Variants in NEGR1 observed in about 807,000 individuals in gnomAD.
NEGR1 encodes the protein neuronal growth regulator 1.
A neutral mutation model predicts 40.9 loss-of-function variants in NEGR1; 10 were observed. That is an observed-to-expected ratio of 0.24 (90% CI 0.15 to 0.42). NEGR1 has a LOEUF of 0.42. NEGR1 is among the 10% of genes least tolerant of loss of function. The pLI is 1.00. For synonymous variants in NEGR1, 185 were observed against 166.8 expected (o/e 1.11, Z -0.84); for missense variants, 352 against 438.9 (o/e 0.80, Z 1.77).
At chr1:72,203,087 A>T (rs887388992) in intron 1 of NEGR1, among the ~76,000 whole-genome samples, 1 of 152,018 alleles carries the variant, frequency 6.6e-6, no homozygotes, top group African/African-American at 2.4e-5. Context: ...CACAGCATCC[A>T]CTCTGCATCC....
intron 1 of NEGR1, among the ~76,000 whole-genome samples, chr1:71,950,317 G>C (rs1197318555): frequency 6.6e-6 from 1 of 151,796 alleles, no homozygotes; most frequent in East Asian, 1.9e-4. Flanking sequence ...TTTGTAGCAA[G>C]CATAACACAT....
chr1:72,072,604 C>T (rs1361004594), intron 1 of NEGR1, among the ~76,000 whole-genome samples: 1 of 152,018 alleles, frequency 6.6e-6, no homozygotes, highest in Non-Finnish European at 1.5e-5. Flanking sequence ...ATAATCTTTC[C>T]CTCAGAATAA....
chr1:71,999,022 G>A (rs987155731), intron 1 of NEGR1, among the ~76,000 whole-genome samples: 10 of 151,868 alleles, frequency 6.6e-5, no homozygotes, highest in African/African-American at 2.4e-4. Flanking sequence ...TTAAATGTGT[G>A]AATACATGAT....
At chr1:71,999,048 C>A (rs1197704905) in intron 1 of NEGR1, among the ~76,000 whole-genome samples, 1 of 151,870 alleles carries the variant, frequency 6.6e-6, no homozygotes, top group Non-Finnish European at 1.5e-5. Context: ...GAATTGGCTT[C>A]TACTCCATCA....
At chr1:72,031,996 C>T (rs1409851178) in intron 1 of NEGR1, among the ~76,000 whole-genome samples, 2 of 152,116 alleles carry the variant, frequency 1.3e-5, no homozygotes, top group African/African-American at 4.8e-5. Flanking sequence ...GATTTAATGA[C>T]AAAAACAGAC....
intron 6 of NEGR1, among the ~76,000 whole-genome samples, chr1:71,571,280 G>T (rs1160059814): frequency 6.6e-6 from 1 of 152,168 alleles, no homozygotes; most frequent in Non-Finnish European, 1.5e-5. Context: ...GCATATTCAG[G>T]AAAGGCACCA....
At chr1:71,972,551 CTTTA>C (rs1212921460) in intron 1 of NEGR1, among the ~76,000 whole-genome samples, 1 of 152,070 alleles carries the variant, frequency 6.6e-6, no homozygotes, top group Non-Finnish European at 1.5e-5. Context: ...ACATCTTAAA[CTTTA>C]TTTATGTTGC....
chr1:72,143,843 AAAG>A (rs1650776728), intron 1 of NEGR1, among the ~76,000 whole-genome samples: 1 of 145,860 alleles, frequency 6.9e-6, no homozygotes, highest in African/African-American at 2.5e-5. Flanking sequence ...TACTGATAAC[AAAG>A]AAGATGGTTC....
chr1:71,407,656 C>G (rs542787397), intron 6 of NEGR1, 86 bp from the exon 7 acceptor site: 1 of 1,317,124 alleles, frequency 7.6e-7, no homozygotes, highest in South Asian at 1.3e-5. Context: ...CCAGGTGCAT[C>G]GGGGAAAGCA....
chr1:72,254,621 G>C (rs1267913929), intron 1 of NEGR1, among the ~76,000 whole-genome samples: 2 of 149,506 alleles, frequency 1.3e-5, no homozygotes, highest in Non-Finnish European at 3.0e-5. Flanking sequence ...AGAATGGTGT[G>C]AACCCAGGAG....
chr1:72,039,560 G>GA (rs1646933767), intron 1 of NEGR1, among the ~76,000 whole-genome samples: 2 of 151,956 alleles, frequency 1.3e-5, no homozygotes, highest in South Asian at 2.1e-4. Flanking sequence ...GTGTTGGAGA[G>GA]AAAAAAACAA....
At chr1:71,842,525 G>C (rs1659278687) in intron 2 of NEGR1, among the ~76,000 whole-genome samples, 1 of 152,072 alleles carries the variant, frequency 6.6e-6, no homozygotes, top group South Asian at 2.1e-4. Context: ...TTTCATTATA[G>C]TTAGTAAATA....
intron 3 of NEGR1, among the ~76,000 whole-genome samples, chr1:71,730,277 A>C (rs1654815305): frequency 6.6e-6 from 1 of 152,040 alleles, no homozygotes; most frequent in Non-Finnish European, 1.5e-5. Flanking sequence ...TGATTACATT[A>C]GTAGTGAAAA....
intron 3 of NEGR1, among the ~76,000 whole-genome samples, chr1:71,744,780 A>C (rs1655331211): frequency 6.6e-6 from 1 of 152,202 alleles, no homozygotes; most frequent in Admixed American, 6.5e-5. Context: ...CTTTAAAATA[A>C]CCTATATTAA....
intron 4 of NEGR1, among the ~76,000 whole-genome samples, chr1:71,629,818 A>G (rs1282101569): frequency 2.0e-5 from 3 of 151,956 alleles, no homozygotes; most frequent in East Asian, 3.9e-4. Flanking sequence ...TAAAAACTCA[A>G]TAGAGTTAAA....
intron 3 of NEGR1, among the ~76,000 whole-genome samples, chr1:71,769,612 C>CTCTT (rs1190965863): frequency 6.6e-6 from 1 of 152,210 alleles, no homozygotes; most frequent in Non-Finnish European, 1.5e-5. Flanking sequence ...CTTGGCACTT[C>CTCTT]TCTTTGATGC....
intron 6 of NEGR1, among the ~76,000 whole-genome samples, chr1:71,568,543 T>C (rs888021774): frequency 1.3e-5 from 2 of 152,204 alleles, no homozygotes; most frequent in South Asian, 2.1e-4. Context: ...GAAGTTACCA[T>C]GTGACAAGTT....
chr1:71,875,558 G>T (rs1660402113), intron 2 of NEGR1, among the ~76,000 whole-genome samples: 1 of 152,152 alleles, frequency 6.6e-6, no homozygotes, highest in Non-Finnish European at 1.5e-5. Flanking sequence ...ATTAGAAAAG[G>T]TGCAGCTCAG....
chr1:72,158,202 G>T (rs1377058848), intron 1 of NEGR1, among the ~76,000 whole-genome samples: 1 of 152,144 alleles, frequency 6.6e-6, no homozygotes, highest in Non-Finnish European at 1.5e-5. Context: ...AAGATGGGCA[G>T]GTAACTTGTC....
Sources: gnomAD v4.1 joint callset for allele counts (sites outside exome capture counted in the v4.1 genomes callset) on GRCh38, gnomAD v4.1.1 for gene constraint, MANE v1.5 for transcripts, NCBI Gene and HGNC (gene_info 2026-07-23, HGNC 2026-07-21) for gene names.